TBXAS1: variants seen among roughly 807,000 people sequenced by gnomAD.
The protein encoded by TBXAS1 is thromboxane-A synthase.
TBXAS1 carries 48 observed loss-of-function variants against 60.7 expected under a neutral mutation model. That is an observed-to-expected ratio of 0.79 (90% CI 0.63 to 1.01). The LOEUF is 1.01. TBXAS1 is among the 50% of genes least tolerant of loss of function. The probability of loss-of-function intolerance (pLI) is 0.00; values close to 1 mark genes in which losing one functional copy is unlikely to be tolerated. For synonymous variants in TBXAS1, 287 were observed against 269.7 expected, an observed-to-expected ratio of 1.06 and a Z score of -0.63; for missense variants, 685 against 686.3, an observed-to-expected ratio of 1.00 and a Z score of 0.02.
chr7:139,845,781 C>T (rs1454839302), intron 1 of TBXAS1, among the ~76,000 whole-genome samples: 1 of 151,890 alleles, frequency 6.6e-6, no homozygotes, highest in Non-Finnish European at 1.5e-5. Flanking sequence ...CAGCTTTCAC[C>T]CTGACTTGTC....
In TBXAS1 at chr7:139,952,671, G is replaced by T. The variant is rs370661277; in HGVS notation, c.451-697G>T. 6 of 1,535,122 alleles carry T rather than the reference G, an allele frequency of 3.9e-6. No homozygotes were observed. The African/African-American group carries it at 5.5e-5, about 14-fold the overall frequency. On this transcript the variant is annotated intron_variant, in intron 5 of 12. Transcript: ENST00000448866. The stretch of plus-strand genomic sequence containing the variant: ...TGGTATCTATGTGAATCTCCATTAT[G>T]CCACTCTACCTTTCTGTGTAAGTTA...
chr7:140,016,064 C>T (rs556159939), intron 11 of TBXAS1, among the ~76,000 whole-genome samples: 1 of 152,182 alleles, frequency 6.6e-6, no homozygotes, highest in African/African-American at 2.4e-5. Flanking sequence ...CGTGGTGGCT[C>T]ATGCCTGTAA....
chr7:139,897,115 T>A (rs1428801477), intron 3 of TBXAS1, among the ~76,000 whole-genome samples: 1 of 151,856 alleles, frequency 6.6e-6, no homozygotes, highest in African/African-American at 2.4e-5. Flanking sequence ...ACACTAGACA[T>A]CAAAGATAAG....
chr7:139,863,463 A>G lies in TBXAS1; in HGVS notation c.90-8772A>G, dbSNP rs184892911. On this transcript the variant is annotated intron_variant, in intron 1 of 12. Coordinates refer to ENST00000448866, the MANE Select transcript of TBXAS1 (RefSeq NM_001061.7). ...AAATCTTGTATATAGGGTGGGACAG[A>G]ATTGAAAAAACAATAGGAAGGTCTT... 7.9e-4 allele frequency among the ~76,000 whole-genome samples: 121 copies of G among 152,300 alleles called. 1 individual carries two copies. Among genetic ancestry groups the G allele is most frequent in the African/African-American group, 2.8e-3 (118 of 41,558 alleles).
intron 4 of TBXAS1, among the ~76,000 whole-genome samples, chr7:139,792,394 C>G (rs143861032): frequency 4.7e-4 from 72 of 152,276 alleles, no homozygotes; most frequent in African/African-American, 1.7e-3. Context: ...CACCCATGGT[C>G]GGCTTGGTGG....
At chr7:139,855,737 TC>T (rs1399880652) in intron 1 of TBXAS1, among the ~76,000 whole-genome samples, 1 of 152,064 alleles carries the variant, frequency 6.6e-6, no homozygotes, top group African/African-American at 2.4e-5. Context: ...GGGACTAACT[TC>T]CTCTGACCTA....
At chr7:139,881,041 G>A (rs932357918) in intron 3 of TBXAS1, among the ~76,000 whole-genome samples, 1 of 152,150 alleles carries the variant, frequency 6.6e-6, no homozygotes, top group Non-Finnish European at 1.5e-5. Context: ...TTATGAGCAA[G>A]TTTGAGCATC....
Position 139,992,193 on chromosome 7 carries a change from A to G in TBXAS1, c.1135-14898A>G, listed in dbSNP as rs149852535. Among the ~76,000 whole-genome samples the G allele has an allele frequency of 6.5e-3, 984 of 152,338 alleles. 10 individuals carry two copies. Among genetic ancestry groups the G allele is most frequent in the African/African-American group, 0.023 (942 of 41,586 alleles). ...TTCACCTGCTCACAACTAGCAGGCC[A>G]GGGGGTGAGGCATGGACCAGCATCT... is the stretch of plus-strand genomic sequence containing the variant. On this transcript the variant is annotated intron_variant, in intron 9 of 12. Transcript: ENST00000448866.
rs150766973 is a variant in TBXAS1, at chr7:139,907,589, ATTC to A, written c.237-3630_237-3628del. Among the ~76,000 whole-genome samples the A allele has an allele frequency of 1.2e-3, 179 of 152,096 alleles. 3 individuals carry two copies. The East Asian group carries it at 0.029, about 25-fold the overall frequency. ...GGAAGATATTGTAAAATTAGTGTTA[ATTC>A]TTCTTTTAATATTTGGTAGAATTCT... On this transcript the variant is annotated intron_variant, in intron 3 of 12. Transcript: ENST00000448866.
intron 4 of TBXAS1, among the ~76,000 whole-genome samples, chr7:139,823,636 C>A (rs1445468213): frequency 1.3e-5 from 2 of 152,174 alleles, no homozygotes; most frequent in Non-Finnish European, 2.9e-5. Flanking sequence ...TAACCGTGGG[C>A]TGGCTCGGTG....
intron 3 of TBXAS1, 36 bp downstream of exon 3, chr7:139,875,673 T>C: frequency 6.2e-7 from 1 of 1,609,510 alleles, no homozygotes; most frequent in African/African-American, 1.3e-5. Context: ...TTATGTACGA[T>C]ATTTTCTATT....
chr7:139,807,729 G>C (rs1397761052), intron 4 of TBXAS1, among the ~76,000 whole-genome samples: 1 of 151,972 alleles, frequency 6.6e-6, no homozygotes, highest in Non-Finnish European at 1.5e-5. Context: ...TGTTGCCCAG[G>C]CTGGTCTCAA....
chr7:139,855,703 G>A (rs888141800), intron 1 of TBXAS1, among the ~76,000 whole-genome samples: 2 of 152,146 alleles, frequency 1.3e-5, no homozygotes, highest in Non-Finnish European at 1.5e-5. Flanking sequence ...TAAGACCACA[G>A]GGTAGCATTT....
chr7:139,786,021 C>T (rs747533330), intron 3 of TBXAS1, among the ~76,000 whole-genome samples: 4 of 149,794 alleles, frequency 2.7e-5, no homozygotes, highest in Non-Finnish European at 5.9e-5. Flanking sequence ...GTTTCTGCTG[C>T]ATTCATTTTT....
chr7:139,954,696 A>G (rs897365244), intron 6 of TBXAS1, among the ~76,000 whole-genome samples: 5 of 152,248 alleles, frequency 3.3e-5, no homozygotes, highest in African/African-American at 1.2e-4. Context: ...AAGATAACAA[A>G]AAGAATCATT....
At chr7:139,780,173 T>C (rs1796937747) in intron 1 of TBXAS1, among the ~76,000 whole-genome samples, 1 of 152,244 alleles carries the variant, frequency 6.6e-6, no homozygotes, top group South Asian at 2.1e-4. Context: ...TGTAAATCTC[T>C]ATCATAGCCT....
At chr7:139,986,816 T>TAC (rs1554503796) in intron 9 of TBXAS1, among the ~76,000 whole-genome samples, 2 of 130,232 alleles carry the variant, frequency 1.5e-5, no homozygotes, top group African/African-American at 2.9e-5. Flanking sequence ...TATATATATA[T>TAC]ACACCATAGT....
At position 139,872,246 on chromosome 7, in the gene TBXAS1, C is replaced by T. The variant is rs752977856; in HGVS notation, c.101C>T (p.Ser34Leu). ...GCTTTTCCCTCCAGGTACTCCACATCAGCATTCTCAAGACTGGAGAAGTTA... is the reference window on the plus strand; with the variant it reads ...GCTTTTCCCTCCAGGTACTCCACATTAGCATTCTCAAGACTGGAGAAGTTA... ...LLALLKWYSTSAFSRLEKLGL... is the reference protein window; with the variant it reads ...LLALLKWYSTLAFSRLEKLGL... Residue 34 changes from serine (S) to leucine (L), a missense_variant, in exon 2 of 13, where the codon TCA (serine) becomes TTA (leucine). Physicochemically the swap from Ser to Leu is moderately radical, Grantham distance 145 (BLOSUM62 -2). Coordinates refer to ENST00000448866, the MANE Select transcript of TBXAS1 (RefSeq NM_001061.7). 7.4e-6 allele frequency: 12 copies of T among 1,614,014 alleles called. No individual in the cohort carries two copies. The East Asian group carries it at 2.7e-4, about 36-fold the overall frequency.
At chr7:139,883,311 T>C (rs1584760766) in intron 3 of TBXAS1, among the ~76,000 whole-genome samples, 1 of 152,364 alleles carries the variant, frequency 6.6e-6, no homozygotes, top group Admixed American at 6.5e-5. Context: ...TGCTTTCTTA[T>C]GATTTAAGAC....
Sources: gnomAD v4.1 joint callset for allele counts (sites outside exome capture counted in the v4.1 genomes callset) on GRCh38, gnomAD v4.1.1 for gene constraint, MANE v1.5 for transcripts, NCBI Gene and HGNC (gene_info 2026-07-23, HGNC 2026-07-21) for gene names.